Variants in BORCS5 observed in about 807,000 individuals in gnomAD.
The protein encoded by BORCS5 is BLOC-1 related complex subunit 5.
BORCS5 carries 17 observed loss-of-function variants against 22.1 expected under a neutral mutation model. The ratio of observed to expected loss-of-function variants is 0.77; its 90% CI spans 0.53 to 1.15. The LOEUF is 1.15. Among genes scored for constraint, BORCS5 ranks in the 50% most tolerant of loss-of-function variants. The probability of loss-of-function intolerance (pLI) is 0.00; values close to 1 mark genes in which losing one functional copy is unlikely to be tolerated. For missense variants in BORCS5, 247 were observed against 253.2 expected, an observed-to-expected ratio of 0.98 and a Z score of 0.17; for synonymous variants, 117 against 99.8, an observed-to-expected ratio of 1.17 and a Z score of -1.03.
intron 2 of BORCS5, among the ~76,000 whole-genome samples, chr12:12,419,960 G>A (rs1942071106): frequency 6.6e-6 from 1 of 152,070 alleles, no homozygotes; most frequent in Non-Finnish European, 1.5e-5. Context: ...TTGTCTGATG[G>A]ATAGATTGCA....
intron 3 of BORCS5, among the ~76,000 whole-genome samples, chr12:12,457,054 T>C (rs16908101): frequency 0.071 from 10,835 of 152,284 alleles, 575 homozygotes; most frequent in East Asian, 0.23. Context: ...GCTTTTTCAT[T>C]CTTCATGTAA....
chr12:12,463,401 A>G (rs913311418), intron 3 of BORCS5, among the ~76,000 whole-genome samples: 2 of 152,340 alleles, frequency 1.3e-5, no homozygotes, highest in South Asian at 2.1e-4. Context: ...CATGTGATCT[A>G]GTCTTCTTTA....
intron 2 of BORCS5, among the ~76,000 whole-genome samples, chr12:12,365,625 A>C (rs1287058922): frequency 6.6e-6 from 1 of 150,730 alleles, no homozygotes; most frequent in East Asian, 2.0e-4. Context: ...GTGAGCATTG[A>C]AGGTGATGCT....
At chr12:12,438,385 A>AAAAAAAAAAAAAAAAAAAAAAAAACAC (rs1555156048) in intron 3 of BORCS5, among the ~76,000 whole-genome samples, 5 of 126,146 alleles carry the variant, frequency 4.0e-5, no homozygotes, top group African/African-American at 1.6e-4. Flanking sequence ...AAAAAACGAA[A>AAAAAAAAAAAAAAAAAAAAAAAAACAC]AACAACAACA....
At chr12:12,430,339 G>C (rs1235691637) in intron 2 of BORCS5, among the ~76,000 whole-genome samples, 1 of 151,934 alleles carries the variant, frequency 6.6e-6, no homozygotes, top group African/African-American at 2.4e-5. Flanking sequence ...TTTTAGTAGA[G>C]ACGGGGTTTC....
intron 2 of BORCS5, among the ~76,000 whole-genome samples, chr12:12,408,747 A>G (rs1009815069): frequency 6.6e-6 from 1 of 152,222 alleles, no homozygotes; most frequent in African/African-American, 2.4e-5. Flanking sequence ...AAGGCTGAAT[A>G]CCACATGTGT....
chr12:12,378,566 A>C (rs895756712), intron 2 of BORCS5, among the ~76,000 whole-genome samples: 3 of 142,476 alleles, frequency 2.1e-5, no homozygotes, highest in African/African-American at 7.7e-5. Context: ...ATAAGAGTCA[A>C]AGTCTTGAAA....
chr12:12,414,465 G>A (rs1202241624), intron 2 of BORCS5, among the ~76,000 whole-genome samples: 8 of 85,756 alleles, frequency 9.3e-5, no homozygotes, highest in South Asian at 3.0e-4. Context: ...GGACGGGGCG[G>A]CTGGCTGGGC....
At chr12:12,439,752 T>C (rs2160586) in intron 3 of BORCS5, among the ~76,000 whole-genome samples, 60,425 of 152,082 alleles carry the variant, frequency 0.4, 12,820 homozygotes, top group Non-Finnish European at 0.48. Flanking sequence ...CTCAGCAGCG[T>C]GCTCGGGCAG....
intron 2 of BORCS5, among the ~76,000 whole-genome samples, chr12:12,419,703 C>A (rs762681873): frequency 6.6e-6 from 1 of 152,182 alleles, no homozygotes; most frequent in African/African-American, 2.4e-5. Context: ...CTCTCCAGCA[C>A]ATGTTGTTTC....
chr12:12,424,766 G>T (rs565968086), intron 2 of BORCS5, among the ~76,000 whole-genome samples: 2 of 152,284 alleles, frequency 1.3e-5, no homozygotes, highest in African/African-American at 4.8e-5. Context: ...AGGTATACAT[G>T]TTAGGTCTCC....
intron 3 of BORCS5, among the ~76,000 whole-genome samples, chr12:12,440,595 C>T (rs1942662524): frequency 7.7e-6 from 1 of 130,050 alleles, no homozygotes; most frequent in Non-Finnish European, 1.6e-5. Context: ...GGGGTTTAAG[C>T]TAGGTCTTTG....
chr12:12,400,574 G>C (rs1242989859), intron 2 of BORCS5, among the ~76,000 whole-genome samples: 2 of 137,822 alleles, frequency 1.5e-5, no homozygotes, highest in Non-Finnish European at 3.0e-5. Flanking sequence ...TTCATTTGCA[G>C]TATGTCAGCA....
rs1407502030 is a variant in BORCS5 at position 12,470,164 on chromosome 12, G to A, written c.*4388G>A. Among the ~76,000 whole-genome samples the A allele has an allele frequency of 5.3e-5, 8 of 152,134 alleles. No homozygotes were observed. Among genetic ancestry groups the A allele is most frequent in the African/African-American group, 1.9e-4 (8 of 41,426 alleles). ...CGGCTCACTGCAACCTCCGCCTCCC[G>A]GGTTCAAGCAGTTATACTGTCTCAG... On this transcript the variant is annotated 3_prime_UTR_variant, in exon 4 of 4. Transcript: ENST00000314565.
intron 3 of BORCS5, among the ~76,000 whole-genome samples, chr12:12,445,854 G>T (rs141507993): frequency 6.9e-6 from 1 of 145,624 alleles, no homozygotes; most frequent in East Asian, 2.0e-4. Context: ...AGGTTTCCCA[G>T]ACTGACCTTG....
chr12:12,378,143 G>A (rs532322241), intron 2 of BORCS5, among the ~76,000 whole-genome samples: 1 of 152,248 alleles, frequency 6.6e-6, no homozygotes, highest in African/African-American at 2.4e-5. Context: ...AGGCCTAGGC[G>A]GGCAGATCAC....
intron 3 of BORCS5, among the ~76,000 whole-genome samples, chr12:12,457,595 G>T (rs950732661): frequency 6.7e-6 from 1 of 148,230 alleles, no homozygotes. Context: ...CGTGAACCCC[G>T]GGGGGCAGAG....
intron 3 of BORCS5, among the ~76,000 whole-genome samples, chr12:12,440,230 A>G (rs565057148): frequency 6.6e-6 from 1 of 152,356 alleles, no homozygotes; most frequent in African/African-American, 2.4e-5. Flanking sequence ...ATGCTCTTGA[A>G]TGAAAAGCTT....
Position 12,465,531 on chromosome 12 carries a change from C to G in BORCS5, c.361-15C>G, listed in dbSNP as rs1483707061. ...ATTAAACAAGGTATAATGTACTTCT[C>G]TTTCCCATCCACAGATGGATCTGTC... On this transcript the variant is annotated splice_polypyrimidine_tract_variant and intron_variant, in intron 3 of 3. Transcript: ENST00000314565. 2 of 1,612,344 alleles carry G rather than the reference C, an allele frequency of 1.2e-6. No homozygotes were observed. Among genetic ancestry groups the G allele is most frequent in the Non-Finnish European group, 8.5e-7 (1 of 1,178,604 alleles).
Sources: allele counts gnomAD v4.1 joint callset (sites outside exome capture counted in the v4.1 genomes callset), GRCh38; gene constraint gnomAD v4.1.1; transcripts MANE v1.5; gene names NCBI Gene and HGNC (gene_info 2026-07-23, HGNC 2026-07-21).